PTPN2: variants seen among roughly 807,000 people sequenced by gnomAD.
The protein encoded by PTPN2 is protein tyrosine phosphatase non-receptor type 2, also known as tyrosine-protein phosphatase non-receptor type 2.
Under a neutral mutation model 57.3 loss-of-function variants are expected in PTPN2, and 19 were observed. The observed-to-expected ratio is 0.33, with a 90% CI of 0.23 to 0.49. The LOEUF (loss-of-function observed/expected upper bound fraction) is 0.49. Ranked by LOEUF, PTPN2 falls within the 20% of genes least tolerant of loss-of-function variation. The pLI is 0.99. For synonymous variants in PTPN2, 153 were observed against 164.9 expected, an observed-to-expected ratio of 0.93 and a Z score of 0.55; for missense variants, 358 against 501.1, an observed-to-expected ratio of 0.71 and a Z score of 2.73.
At position 12,822,947 on chromosome 18, in the gene PTPN2, T is replaced by C. The variant is rs1276711604; in HGVS notation, c.495+2863A>G. 5.9e-5 allele frequency among the ~76,000 whole-genome samples: 9 copies of C among 152,186 alleles called. No individual in the cohort carries two copies. The South Asian group carries it at 1.5e-3, about 25-fold the overall frequency. ...TAGGTACGTTATCACCCTCATTTTATAGATGATAAAACAGGTACTGTTTAT... is the reference window on the plus strand; with the variant it reads ...TAGGTACGTTATCACCCTCATTTTACAGATGATAAAACAGGTACTGTTTAT... On this transcript the variant is annotated intron_variant, in intron 5 of 8. Transcript: ENST00000309660.
intron 1 of PTPN2, among the ~76,000 whole-genome samples, chr18:12,861,876 A>G (rs912353534): frequency 1.3e-5 from 2 of 152,248 alleles, no homozygotes; most frequent in East Asian, 3.8e-4. Context: ...CTTTGTGTGC[A>G]CTATACAAAA....
downstream of PTPN2, among the ~76,000 whole-genome samples, chr18:12,790,820 A>G (rs2040964496): frequency 6.6e-6 from 1 of 152,256 alleles, no homozygotes; most frequent in Non-Finnish European, 1.5e-5. Flanking sequence ...CCTTCTGCTG[A>G]CATACCATTA....
intron 1 of PTPN2, among the ~76,000 whole-genome samples, chr18:12,881,166 G>A (rs1215606143): frequency 6.6e-6 from 1 of 152,166 alleles, no homozygotes; most frequent in Non-Finnish European, 1.5e-5. Flanking sequence ...CCAGAGCAGT[G>A]GCTCATGCCT....
At chr18:12,883,077 A>G (rs1280731287) in intron 1 of PTPN2, among the ~76,000 whole-genome samples, 4 of 152,250 alleles carry the variant, frequency 2.6e-5, no homozygotes, top group African/African-American at 9.6e-5. Flanking sequence ...TGTGAGCTGA[A>G]CAGGCACGAT....
In PTPN2 at chr18:12,825,837, T is replaced by C; in HGVS notation, c.468A>G (p.Val156=). 6.2e-7 allele frequency: 1 copy of C among 1,610,088 alleles called. No homozygotes were observed. Among genetic ancestry groups the C allele is most frequent in the Non-Finnish European group, 8.5e-7 (1 of 1,179,032 alleles). The change falls in exon 5 of 9, where the codon GTA becomes GTG. Residue 156 remains valine, a synonymous_variant. Transcript: ENST00000309660. ...LSEDVKSYYT[V]HLLQLENINS... The stretch of plus-strand genomic sequence containing the variant: ...TGATATTTTCTAATTGTAGTAGATG[T>C]ACTGTATAATACGACTTCACATCTT...
chr18:12,844,454 A>T (rs1237421268), intron 2 of PTPN2, among the ~76,000 whole-genome samples: 2 of 152,178 alleles, frequency 1.3e-5, no homozygotes, highest in African/African-American at 2.4e-5. Flanking sequence ...TGATCTCTTT[A>T]CTTTAGCTGT....
chr18:12,864,256 T>C (rs943430001), intron 1 of PTPN2: 1 of 151,940 alleles, frequency 6.6e-6, no homozygotes, highest in Non-Finnish European at 1.5e-5. Flanking sequence ...TAAACACACA[T>C]GTGCATTGCC....
intron 1 of PTPN2, among the ~76,000 whole-genome samples, chr18:12,875,192 C>A (rs1333675425): frequency 6.6e-6 from 1 of 152,136 alleles, no homozygotes; most frequent in Non-Finnish European, 1.5e-5. Flanking sequence ...GGGTCCTCTG[C>A]CTAGGAAAAC....
chr18:12,863,163 T>G (rs1342761664), intron 1 of PTPN2: 1 of 152,160 alleles, frequency 6.6e-6, no homozygotes, highest in East Asian at 1.9e-4. Flanking sequence ...TATCACAGAT[T>G]CCGAATGTTT....
chr18:12,858,590 G>GA lies in PTPN2; in HGVS notation c.160+573dup, dbSNP rs146733922. The stretch of plus-strand genomic sequence containing the variant: ...AAAAAAGTTTACAATGTACTGCTAA[G>GA]AAAAGAGCTACAAATGAGTATGTGG... On this transcript the variant is annotated intron_variant, in intron 2 of 8. Transcript: ENST00000309660. Among the ~76,000 whole-genome samples the GA allele has an allele frequency of 8.8e-3, 1,339 of 152,118 alleles. 27 individuals carry two copies. The highest frequency in any genetic ancestry group is 0.031 in the African/African-American group (1,297 of 41,426).
intron 1 of PTPN2, among the ~76,000 whole-genome samples, chr18:12,870,074 G>A (rs1295857619): frequency 6.6e-6 from 1 of 150,996 alleles, no homozygotes; most frequent in Non-Finnish European, 1.5e-5. Context: ...TCTCTTTGAG[G>A]AAGAGAGTTT....
chr18:12,796,831 A>G (rs1303805309), intron 8 of PTPN2, among the ~76,000 whole-genome samples: 2 of 152,086 alleles, frequency 1.3e-5, no homozygotes, highest in East Asian at 1.9e-4. Context: ...TAGCCCTTCT[A>G]TTCTTACGGC....
intron 1 of PTPN2, among the ~76,000 whole-genome samples, chr18:12,871,438 T>C (rs1303652582): frequency 6.6e-6 from 1 of 152,216 alleles, no homozygotes; most frequent in East Asian, 1.9e-4. Context: ...CAGCTTTACC[T>C]GTTTTTAAAA....
chr18:12,807,580 A>ATATATATATATAT (rs1405214676), intron 7 of PTPN2, among the ~76,000 whole-genome samples: 3 of 60,150 alleles, frequency 5.0e-5, no homozygotes, highest in African/African-American at 1.3e-4. Context: ...AAAAAAAAAA[A>ATATATATATATAT]AAAAAAATAT....
chr18:12,827,709 T>A (rs543141116), intron 4 of PTPN2, among the ~76,000 whole-genome samples: 26 of 150,920 alleles, frequency 1.7e-4, no homozygotes, highest in Admixed American at 8.6e-4. Context: ...TTTTTTTAAG[T>A]AAAATAGAAA....
At chr18:12,838,330 A>G (rs2042937085) in intron 2 of PTPN2, among the ~76,000 whole-genome samples, 1 of 152,192 alleles carries the variant, frequency 6.6e-6, no homozygotes, top group African/African-American at 2.4e-5. Context: ...GGGTGCTGGG[A>G]ATCTGGTTAC....
intron 6 of PTPN2, 52 bp downstream of exon 6, chr18:12,817,104 A>C: frequency 6.5e-7 from 1 of 1,530,648 alleles, no homozygotes; most frequent in Non-Finnish European, 8.9e-7. Context: ...AGTGGAAGCA[A>C]TTTAAAAAAA....
chr18:12,850,140 C>A (rs532573807), intron 2 of PTPN2, among the ~76,000 whole-genome samples: 1 of 151,480 alleles, frequency 6.6e-6, no homozygotes, highest in Admixed American at 6.6e-5. Flanking sequence ...TTTTTTTTCT[C>A]ATTCTCTTAT....
chr18:12,844,582 C>T (rs2043154059), intron 2 of PTPN2, among the ~76,000 whole-genome samples: 1 of 151,902 alleles, frequency 6.6e-6, no homozygotes, highest in African/African-American at 2.4e-5. Context: ...TATCTTTTGC[C>T]CATTTCCTAA....
Sources: allele counts gnomAD v4.1 joint callset (sites outside exome capture counted in the v4.1 genomes callset), GRCh38; gene constraint gnomAD v4.1.1; transcripts MANE v1.5; gene names NCBI Gene and HGNC (gene_info 2026-07-23, HGNC 2026-07-21).